SPAG16: variants seen among roughly 807,000 people sequenced by gnomAD.
SPAG16 encodes the protein sperm-associated antigen 16 protein.
In SPAG16, 86 loss-of-function variants were observed where a neutral mutation model predicts 80.4. The ratio of observed to expected loss-of-function variants is 1.07; its 90% CI spans 0.90 to 1.28. SPAG16 has a LOEUF of 1.28. Among genes scored for constraint, SPAG16 ranks in the 50% most tolerant of loss-of-function variants. The pLI is 0.00. For missense variants in SPAG16, 870 were observed against 765.3 expected (o/e 1.14, Z -1.61); for synonymous variants, 294 against 265.9 (o/e 1.11, Z -1.03).
rs962737634 is a variant in SPAG16, at chr2:213,510,621, G to T, written c.1070+20531G>T. Among the ~76,000 whole-genome samples, 4 of 152,252 alleles carry T rather than the reference G, an allele frequency of 2.6e-5. No individual in the cohort carries two copies. In the South Asian group the frequency reaches 8.3e-4, roughly 32 times the overall value. On this transcript the variant is annotated intron_variant, in intron 10 of 15. Transcript: ENST00000331683. ...TAAAGCTCAGGGACCAGCAATGTGG[G>T]TTTTCGCGTTACACTGCCTACACTA...
At chr2:213,885,369 G>A (rs147364283) in intron 11 of SPAG16, among the ~76,000 whole-genome samples, 298 of 152,202 alleles carry the variant, frequency 2.0e-3, no homozygotes, top group African/African-American at 6.9e-3. Flanking sequence ...ATAGTGTGTT[G>A]GGAAGAGAGT....
chr2:213,889,373 T>C (rs1347083924), intron 11 of SPAG16, among the ~76,000 whole-genome samples: 1 of 151,898 alleles, frequency 6.6e-6, no homozygotes, highest in Non-Finnish European at 1.5e-5. Flanking sequence ...TATGTAATCA[T>C]TATATTAAAA....
intron 15 of SPAG16, among the ~76,000 whole-genome samples, chr2:214,342,212 G>A (rs1455109834): frequency 6.6e-6 from 1 of 152,076 alleles, no homozygotes; most frequent in Non-Finnish European, 1.5e-5. Flanking sequence ...CTAAAGCAGG[G>A]GTTACTAAAG....
chr2:213,866,728 C>T (rs538112151), intron 11 of SPAG16, among the ~76,000 whole-genome samples: 1 of 152,106 alleles, frequency 6.6e-6, no homozygotes, highest in East Asian at 1.9e-4. Context: ...GTAGACAATC[C>T]CCAAAGTCAA....
intron 11 of SPAG16, among the ~76,000 whole-genome samples, chr2:213,888,580 G>A (rs4673777): frequency 0.34 from 51,824 of 151,404 alleles, 9,336 homozygotes; most frequent in South Asian, 0.47. Flanking sequence ...AAGTACACAT[G>A]AAAGTTGGTG....
At chr2:213,351,188 A>T (rs2065308880) in intron 7 of SPAG16, among the ~76,000 whole-genome samples, 1 of 152,176 alleles carries the variant, frequency 6.6e-6, no homozygotes, top group South Asian at 2.1e-4. Flanking sequence ...ACATAAATTT[A>T]TAGCAGATTA....
At chr2:213,527,876 A>C (rs1239478332) in intron 10 of SPAG16, among the ~76,000 whole-genome samples, 1 of 152,228 alleles carries the variant, frequency 6.6e-6, no homozygotes, top group Non-Finnish European at 1.5e-5. Context: ...TTTCTAAAAT[A>C]CATTCACTAT....
At chr2:213,544,590 C>A (rs1575913030) in intron 10 of SPAG16, among the ~76,000 whole-genome samples, 1 of 152,114 alleles carries the variant, frequency 6.6e-6, no homozygotes, top group East Asian at 1.9e-4. Flanking sequence ...TGGGTTTGGA[C>A]AAATTCATAA....
At chr2:213,965,306 A>T (rs1223904530) in intron 12 of SPAG16, among the ~76,000 whole-genome samples, 2 of 152,144 alleles carry the variant, frequency 1.3e-5, no homozygotes, top group African/African-American at 4.8e-5. Flanking sequence ...TTGACTTCAC[A>T]ATGGGTTTAT....
intron 10 of SPAG16, among the ~76,000 whole-genome samples, chr2:213,623,890 C>T (rs2061868489): frequency 6.6e-6 from 1 of 151,938 alleles, no homozygotes; most frequent in South Asian, 2.1e-4. Context: ...GAATTTTAGA[C>T]ATTATCAATT....
chr2:213,709,208 A>G (rs778872051), intron 10 of SPAG16, among the ~76,000 whole-genome samples: 3 of 152,318 alleles, frequency 2.0e-5, no homozygotes, highest in Non-Finnish European at 4.4e-5. Context: ...ATATTGGCAA[A>G]GTTGAAACAT....
intron 13 of SPAG16, among the ~76,000 whole-genome samples, chr2:214,080,077 T>C (rs1029068787): frequency 6.6e-6 from 1 of 152,150 alleles, no homozygotes. Context: ...AAAAGGGTCA[T>C]GATAAATATT....
chr2:213,360,342 C>T (rs1458574980), intron 7 of SPAG16, among the ~76,000 whole-genome samples: 3 of 152,168 alleles, frequency 2.0e-5, no homozygotes, highest in Non-Finnish European at 4.4e-5. Context: ...AGTTATAGGA[C>T]AAGCTGTGTA....
chr2:213,860,473 CTATATA>C (rs1302682780), intron 10 of SPAG16, among the ~76,000 whole-genome samples: 2 of 78,784 alleles, frequency 2.5e-5, no homozygotes, highest in African/African-American at 7.7e-5. Context: ...ATATATCTAT[CTATATA>C]TATATATACA....
At chr2:214,192,300 G>A (rs2125699190) in intron 15 of SPAG16, among the ~76,000 whole-genome samples, 1 of 152,114 alleles carries the variant, frequency 6.6e-6, no homozygotes, top group East Asian at 1.9e-4. Context: ...TTTCCTTAAT[G>A]TTTCTTTTTT....
intron 10 of SPAG16, among the ~76,000 whole-genome samples, chr2:213,652,677 C>G (rs1042983044): frequency 1.3e-5 from 2 of 151,764 alleles, no homozygotes; most frequent in Non-Finnish European, 2.9e-5. Flanking sequence ...GTTTATTTGT[C>G]TGTTAATGTC....
At chr2:214,173,476 T>C (rs1269601532) in intron 15 of SPAG16, among the ~76,000 whole-genome samples, 8 of 152,052 alleles carry the variant, frequency 5.3e-5, no homozygotes, top group Non-Finnish European at 8.8e-5. Context: ...TTGGTACCAG[T>C]ACCATGCTGT....
At chr2:213,457,944 G>T (rs2072135422) in intron 9 of SPAG16, among the ~76,000 whole-genome samples, 1 of 146,148 alleles carries the variant, frequency 6.8e-6, no homozygotes, top group Admixed American at 6.8e-5. Flanking sequence ...TTTTCCTCTA[G>T]TTTTAATAAT....
chr2:213,782,680 A>C (rs1417368944), intron 10 of SPAG16, among the ~76,000 whole-genome samples: 1 of 152,220 alleles, frequency 6.6e-6, no homozygotes, highest in Admixed American at 6.5e-5. Flanking sequence ...CACATTTTAC[A>C]GATGAGAAAC....
Sources: allele counts gnomAD v4.1 joint callset (sites outside exome capture counted in the v4.1 genomes callset), GRCh38; gene constraint gnomAD v4.1.1; transcripts MANE v1.5; gene names NCBI Gene and HGNC (gene_info 2026-07-23, HGNC 2026-07-21).